VMO1: variants seen among roughly 807,000 people sequenced by gnomAD.
VMO1 encodes vitelline membrane outer layer 1 homolog.
In VMO1, 13 loss-of-function variants were observed where a neutral mutation model predicts 10.1. The ratio of observed to expected loss-of-function variants is 1.29; its 90% CI spans 0.84 to 2.05. The LOEUF is 2.05. Among genes scored for constraint, VMO1 ranks in the 30% most tolerant of loss-of-function variants. VMO1 has a pLI of 0.00. For synonymous variants in VMO1, 117 were observed against 122.2 expected, an observed-to-expected ratio of 0.96 and a Z score of 0.28; for missense variants, 304 against 276.9, an observed-to-expected ratio of 1.10 and a Z score of -0.70.
In VMO1 at chr17:4,785,571, C is replaced by G; in HGVS notation, c.400G>C (p.Gly134Arg). 1 of 1,614,000 alleles carries G rather than the reference C, an allele frequency of 6.2e-7. No individual in the cohort carries two copies. Among genetic ancestry groups the G allele is most frequent in the South Asian group, 1.1e-5 (1 of 91,086 alleles). Residue 134 changes from glycine (G) to arginine (R), a missense_variant, in exon 3 of 3, where the codon GGT becomes CGT. Transcript: ENST00000328739. ...SLRVEAPTTL[G>R]DNTAANNVRF... ...ACGTTGTTCGCTGCTGTGTTGTCAC[C>G]GAGGGTCGTGGGTGCCTCCACGCGA... is the stretch of plus-strand genomic sequence containing the variant.
In VMO1 at chr17:4,786,359, G is replaced by A; in HGVS notation, c.-7C>T. On this transcript the variant is annotated 5_prime_UTR_variant, in exon 1 of 3. Coordinates refer to ENST00000328739, the MANE Select transcript of VMO1 (RefSeq NM_182566.3). ...CTCCTGCGCCCCGCTCCATCCTGTAGCGTCTGTGAATCAGGCCTCCTAAGC... is the reference window on the plus strand; with the variant it reads ...CTCCTGCGCCCCGCTCCATCCTGTAACGTCTGTGAATCAGGCCTCCTAAGC... 1 of 1,557,782 alleles carries A rather than the reference G, an allele frequency of 6.4e-7. No homozygotes were observed. Among genetic ancestry groups the A allele is most frequent in the Non-Finnish European group, 8.6e-7 (1 of 1,157,438 alleles).
In VMO1 at chr17:4,785,446, G is replaced by A. The variant is rs771746869; in HGVS notation, c.525C>T (p.Gly175=). 4 of 1,614,084 alleles carry A rather than the reference G, an allele frequency of 2.5e-6. No homozygotes were observed. The African/African-American group carries it at 5.3e-5, about 22-fold the overall frequency. The change falls in exon 3 of 3, where the codon GGC becomes GGT. Residue 175 remains glycine, a synonymous_variant. Transcript: ENST00000328739. ...WSDHCPKGAC[G]LQTKIQGPRG... ...TAGGTCCCTGGATCTTGGTCTGCAG[G>A]CCGCACGCGCCCTTGGGGCAATGGT...
chr17:4,785,897 A>G (rs1348780849), intron 2 of VMO1, 40 bp downstream of exon 2: 8 of 1,587,110 alleles, frequency 5.0e-6, no homozygotes, highest in Non-Finnish European at 6.9e-6. Flanking sequence ...GGTAAGGGAC[A>G]TACCATCACC....
At chr17:4,785,691 C>A in intron 2 of VMO1, 32 bp from the exon 3 acceptor site, 1 of 1,579,926 alleles carries the variant, frequency 6.3e-7, no homozygotes, top group Non-Finnish European at 8.6e-7. Flanking sequence ...GTTGCCTCTG[C>A]GGGCCCCCCA....
In VMO1 at chr17:4,785,575, G is replaced by A. The variant is rs772120914; in HGVS notation, c.396C>T (p.Thr132=). Reference sequence around the variant, plus strand: ...TGTTCGCTGCTGTGTTGTCACCGAGGGTCGTGGGTGCCTCCACGCGAAGCG... The same window carrying A: ...TGTTCGCTGCTGTGTTGTCACCGAGAGTCGTGGGTGCCTCCACGCGAAGCG... ...AFSLRVEAPT[T]LGDNTAANNV... The change falls in exon 3 of 3, where the codon ACC becomes ACT. Residue 132 remains threonine, a synonymous_variant. Transcript: ENST00000328739. 13 of 1,613,942 alleles carry A rather than the reference G, an allele frequency of 8.1e-6. No individual in the cohort carries two copies. In the Admixed American group the frequency reaches 2.0e-4, roughly 25 times the overall value.
chr17:4,785,392 G>T lies in VMO1; in HGVS notation c.579C>A (p.Asn193Lys). 1 of 1,612,858 alleles carries T rather than the reference G, an allele frequency of 6.2e-7. No individual in the cohort carries two copies. The highest frequency in any genetic ancestry group is 1.1e-5 in the South Asian group (1 of 91,038). ...TGCGGCAGCAGAATAAGCGCGCGTC[G>T]TTCAGCGCAGTGTCATCGCCGAGGC... ...PRGLGDDTAL[N>K]DARLFCCRS Residue 193 changes from asparagine (N) to lysine (K), a missense_variant, in exon 3 of 3, where the codon AAC becomes AAA. Physicochemically the swap from Asn to Lys is moderately conservative, Grantham distance 94. Transcript: ENST00000328739.
At position 4,786,276 on chromosome 17, in the gene VMO1, G is replaced by T; in HGVS notation, c.77C>A (p.Thr26Lys). Residue 26 changes from threonine to lysine, a missense_variant, in exon 1 of 3, where the codon ACA becomes AAA. By Grantham distance (78) the Thr-to-Lys change is moderately conservative. Coordinates refer to ENST00000328739, the MANE Select transcript of VMO1 (RefSeq NM_182566.3). ...LRATGFTCAQ[T>K]DGRNGYTAVI... ...CGCCGTGTAGCCGTTCCGGCCATCT[G>T]TCTGTGCACATGTGAAACCAGTCGC... 4.3e-6 allele frequency: 7 copies of T among 1,611,238 alleles called. No homozygotes were observed. Among genetic ancestry groups the T allele is most frequent in the Non-Finnish European group, 5.1e-6 (6 of 1,179,478 alleles).
intron 1 of VMO1, 34 bp downstream of exon 1, chr17:4,786,124 C>T (rs751988183): frequency 6.2e-7 from 1 of 1,611,114 alleles, no homozygotes; most frequent in Non-Finnish European, 8.5e-7. Context: ...CCACGCATCT[C>T]CGCCCTCTCC....
Position 4,785,391 on chromosome 17 carries a change from C to A in VMO1, c.580G>T (p.Asp194Tyr). 1.2e-6 allele frequency: 2 copies of A among 1,610,646 alleles called. No homozygotes were observed. Among genetic ancestry groups the A allele is most frequent in the Non-Finnish European group, 8.5e-7 (1 of 1,177,956 alleles). Residue 194 changes from aspartate (D) to tyrosine (Y), a missense_variant, in exon 3 of 3, where the codon GAC becomes TAC. Transcript: ENST00000328739. ...RGLGDDTALN[D>Y]ARLFCCRS Reference sequence around the variant, plus strand: ...CTGCGGCAGCAGAATAAGCGCGCGTCGTTCAGCGCAGTGTCATCGCCGAGG... The same window carrying A: ...CTGCGGCAGCAGAATAAGCGCGCGTAGTTCAGCGCAGTGTCATCGCCGAGG...
rs1917472534 is a variant in VMO1, at chr17:4,785,946, T to A, written c.302A>T (p.Gln101Leu). Residue 101 changes from glutamine to leucine, a missense_variant, in exon 2 of 3, where the codon CAG becomes CTG. By Grantham distance (113) the Gln-to-Leu change is moderately radical. Coordinates refer to ENST00000328739, the MANE Select transcript of VMO1 (RefSeq NM_182566.3). ...GACCCCTGCGCCCCACCTTCCAGAC[T>A]GGGACTCTACCACGTGCGTATTGCC... is the stretch of plus-strand genomic sequence containing the variant. The part of the protein sequence containing the change: ...VLGNTHVVES[Q>L]SGSWGEWSEP... The A allele has an allele frequency of 6.2e-7, 1 of 1,614,182 alleles. No individual in the cohort carries two copies. Among genetic ancestry groups the A allele is most frequent in the Non-Finnish European group, 8.5e-7 (1 of 1,180,020 alleles).
Position 4,786,028 on chromosome 17 carries a change from C to G in VMO1, c.220G>C (p.Gly74Arg). ...LKVEPPQGIP[G>R]DDTALNGIRL... is the part of the protein sequence containing the mutation. ...ATCCCATTCAGTGCAGTGTCGTCGCCAGGAATGCCTTGGGGAGGCTCCACC... is the reference window on the plus strand; with the variant it reads ...ATCCCATTCAGTGCAGTGTCGTCGCGAGGAATGCCTTGGGGAGGCTCCACC... The change falls in exon 2 of 3, where the codon GGC (glycine) becomes CGC (arginine). Residue 74 changes from glycine to arginine, a missense_variant. Coordinates refer to ENST00000328739, the MANE Select transcript of VMO1 (RefSeq NM_182566.3). 1 of 1,614,202 alleles carries G rather than the reference C, an allele frequency of 6.2e-7. No individual in the cohort carries two copies. Among genetic ancestry groups the G allele is most frequent in the South Asian group, 1.1e-5 (1 of 91,084 alleles).
chr17:4,785,359 C>A lies in VMO1; in HGVS notation c.*3G>T. On this transcript the variant is annotated 3_prime_UTR_variant, in exon 3 of 3. Coordinates refer to ENST00000328739, the MANE Select transcript of VMO1 (RefSeq NM_182566.3). Reference sequence around the variant, plus strand: ...CGGGAGAGAGCGGCGGCGGCGGCGCCGTTCAACTGCGGCAGCAGAATAAGC... The same window carrying A: ...CGGGAGAGAGCGGCGGCGGCGGCGCAGTTCAACTGCGGCAGCAGAATAAGC... 1 of 1,599,038 alleles carries A rather than the reference C, an allele frequency of 6.3e-7. No individual in the cohort carries two copies. Among genetic ancestry groups the A allele is most frequent in the Non-Finnish European group, 8.5e-7 (1 of 1,171,008 alleles).
At position 4,785,399 on chromosome 17, in the gene VMO1, G is replaced by T. The variant is rs757581590; in HGVS notation, c.572C>A (p.Ala191Glu). 19 of 1,613,664 alleles carry T rather than the reference G, an allele frequency of 1.2e-5. No homozygotes were observed. The African/African-American group carries it at 1.6e-4, about 14-fold the overall frequency. ...QGPRGLGDDT[A>E]LNDARLFCCR... Reference sequence around the variant, plus strand: ...GCAGAATAAGCGCGCGTCGTTCAGCGCAGTGTCATCGCCGAGGCCTCTAGG... The same window carrying T: ...GCAGAATAAGCGCGCGTCGTTCAGCTCAGTGTCATCGCCGAGGCCTCTAGG... Residue 191 changes from alanine to glutamate, a missense_variant, in exon 3 of 3, where the codon GCG becomes GAG. Physicochemically the swap from Ala to Glu is moderately radical, Grantham distance 107. Transcript: ENST00000328739.
At position 4,785,409 on chromosome 17, in the gene VMO1, C is replaced by T. The variant is rs192962559; in HGVS notation, c.562G>A (p.Asp188Asn). The part of the protein sequence containing the change: ...TKIQGPRGLG[D>N]DTALNDARLF... The stretch of plus-strand genomic sequence containing the variant: ...CGCGCGTCGTTCAGCGCAGTGTCAT[C>T]GCCGAGGCCTCTAGGTCCCTGGATC... Residue 188 changes from aspartate to asparagine, a missense_variant, in exon 3 of 3, where the codon GAT becomes AAT. Asp to Asn is a conservative substitution (Grantham distance 23, BLOSUM62 1). Transcript: ENST00000328739. 1.2e-6 allele frequency: 2 copies of T among 1,614,072 alleles called. No homozygotes were observed. The highest frequency in any genetic ancestry group is 1.7e-6 in the Non-Finnish European group (2 of 1,179,990).
intron 2 of VMO1, 57 bp from the exon 3 acceptor site, chr17:4,785,716 G>C (rs982773603): frequency 1.9e-6 from 3 of 1,544,220 alleles, no homozygotes; most frequent in Non-Finnish European, 2.6e-6. Flanking sequence ...CCAAGCCCTT[G>C]AGACTTTCCA....
Position 4,785,669 on chromosome 17 carries a change from A to C in VMO1, c.312-10T>G. On this transcript the variant is annotated splice_polypyrimidine_tract_variant and intron_variant, in intron 2 of 2. Transcript: ENST00000328739. ...ACTCCATTCGCCCCAGCTGCAAGGC[A>C]AAGGGAGATGCGTTGCCTCTGCGGG... 1 of 1,605,328 alleles carries C rather than the reference A, an allele frequency of 6.2e-7. No homozygotes were observed. Among genetic ancestry groups the C allele is most frequent in the South Asian group, 1.1e-5 (1 of 90,512 alleles).
chr17:4,786,118 G>T, intron 1 of VMO1, 40 bp downstream of exon 1: 1 of 1,611,856 alleles, frequency 6.2e-7, no homozygotes. Context: ...ATGGTCCCAC[G>T]CATCTCCGCC....
At position 4,786,267 on chromosome 17, in the gene VMO1, C is replaced by G; in HGVS notation, c.86G>C (p.Arg29Pro). The change falls in exon 1 of 3, where the codon CGG becomes CCG. Residue 29 changes from arginine to proline, a missense_variant. Arg to Pro is a moderately radical substitution (Grantham distance 103). Transcript: ENST00000328739. ...TTCGATGACCGCCGTGTAGCCGTTC[C>G]GGCCATCTGTCTGTGCACATGTGAA... ...TGFTCAQTDG[R>P]NGYTAVIEVT... 1.2e-6 allele frequency: 2 copies of G among 1,611,870 alleles called. No individual in the cohort carries two copies. Among genetic ancestry groups the G allele is most frequent in the Non-Finnish European group, 1.7e-6 (2 of 1,179,604 alleles).
Position 4,785,619 on chromosome 17 carries a change from C to T in VMO1, c.352G>A (p.Ala118Thr), listed in dbSNP as rs1366559077. The T allele has an allele frequency of 1.9e-6, 3 of 1,612,468 alleles. No homozygotes were observed. Among genetic ancestry groups the T allele is most frequent in the Non-Finnish European group, 2.5e-6 (3 of 1,179,972 alleles). The change falls in exon 3 of 3, where the codon GCC (alanine) becomes ACC (threonine). Residue 118 changes from alanine to threonine, a missense_variant. Physicochemically the swap from Ala to Thr is moderately conservative, Grantham distance 58. Coordinates refer to ENST00000328739, the MANE Select transcript of VMO1 (RefSeq NM_182566.3). ...WSEPLWCRGGAYLVAFSLRVE... is the reference protein window; with the variant it reads ...WSEPLWCRGGTYLVAFSLRVE... ...CGAAGCGAGAAAGCCACTAGGTAGGCGCCGCCGCGACACCACAGCGGCTCA... is the reference window on the plus strand; with the variant it reads ...CGAAGCGAGAAAGCCACTAGGTAGGTGCCGCCGCGACACCACAGCGGCTCA...
Sources: gnomAD v4.1 joint callset for allele counts on GRCh38, gnomAD v4.1.1 for gene constraint, MANE v1.5 for transcripts, NCBI Gene and HGNC (gene_info 2026-07-23, HGNC 2026-07-21) for gene names.